Variants in SLC38A12 observed in about 807,000 individuals in gnomAD.
SLC38A12 encodes the protein putative sodium-coupled neutral amino acid transporter 12.
At chr17:74,777,526 C>T in the SLC38A12 span, 4 of 1,539,870 alleles carry the variant, frequency 2.6e-6, no homozygotes, top group East Asian at 2.4e-5. Flanking sequence ...GCAGCGACTA[C>T]AGTGCTGCTG....
chr17:74,794,890 A>G, the SLC38A12 span: 26 of 795,118 alleles, frequency 3.3e-5, no homozygotes, highest in South Asian at 4.5e-4. Context: ...GTAGAAAGTA[A>G]ACAGCTCAGA....
the SLC38A12 span, among the ~76,000 whole-genome samples, chr17:74,795,305 TC>T: frequency 6.6e-6 from 1 of 151,922 alleles, no homozygotes. Flanking sequence ...ACTGTCCCCT[TC>T]CCTGCCCCAC....
chr17:74,791,518 G>A, the SLC38A12 span, among the ~76,000 whole-genome samples: 1 of 152,260 alleles, frequency 6.6e-6, no homozygotes, highest in Admixed American at 6.5e-5. Context: ...GTTGATGGAG[G>A]CCGGTTGATG....
At chr17:74,837,222 G>C in the SLC38A12 span, 1 of 985,642 alleles carries the variant, frequency 1.0e-6, no homozygotes, top group Non-Finnish European at 1.2e-6. Flanking sequence ...ACCAGGCCTG[G>C]GAGGCGGTAG....
chr17:74,794,149 C>T, the SLC38A12 span, among the ~76,000 whole-genome samples: 2 of 152,194 alleles, frequency 1.3e-5, no homozygotes, highest in African/African-American at 2.4e-5. Context: ...TTGCACCTGG[C>T]CTTTCTAGCT....
At chr17:74,802,571 G>T in the SLC38A12 span, among the ~76,000 whole-genome samples, 1 of 152,064 alleles carries the variant, frequency 6.6e-6, no homozygotes, top group Non-Finnish European at 1.5e-5. Flanking sequence ...GTGCAGGTTG[G>T]GTATCCCTTC....
chr17:74,788,721 G>A, the SLC38A12 span: 9 of 1,410,480 alleles, frequency 6.4e-6, no homozygotes, highest in African/African-American at 1.4e-5. Context: ...TCTTACAATG[G>A]TGTTTTCCTT....
chr17:74,836,882 C>G, the SLC38A12 span: 1 of 1,380,654 alleles, frequency 7.2e-7, no homozygotes, highest in Non-Finnish European at 9.3e-7. This position sits in a 1 kb window ranked among gnomAD's most constrained non-coding sequence, Gnocchi z 4.2. Context: ...CTCACTCCCC[C>G]GGGCAGCTCT....
At chr17:74,834,470 A>G in the SLC38A12 span, among the ~76,000 whole-genome samples, 1 of 152,154 alleles carries the variant, frequency 6.6e-6, no homozygotes, top group African/African-American at 2.4e-5. Context: ...AGTTCTGATT[A>G]AAAGTAATAG....
chr17:74,802,044 C>T, the SLC38A12 span, among the ~76,000 whole-genome samples: 2 of 152,120 alleles, frequency 1.3e-5, no homozygotes, highest in African/African-American at 4.8e-5. Context: ...CTCCTTTCTT[C>T]CCGGAGTTGC....
chr17:74,835,410 G>A, the SLC38A12 span, among the ~76,000 whole-genome samples: 5 of 152,028 alleles, frequency 3.3e-5, no homozygotes, highest in African/African-American at 1.2e-4. Context: ...AGATGCCCTC[G>A]GCCCAGGAGG....
At chr17:74,784,459 GTAGGTGAC>G in the SLC38A12 span, among the ~76,000 whole-genome samples, 2 of 152,326 alleles carry the variant, frequency 1.3e-5, no homozygotes, top group East Asian at 3.9e-4. Flanking sequence ...ATGTCTAGGT[GTAGGTGAC>G]TAGCAGGCAG....
At chr17:74,776,937 A>G in the SLC38A12 span, among the ~76,000 whole-genome samples, 5 of 152,044 alleles carry the variant, frequency 3.3e-5, no homozygotes, top group African/African-American at 1.2e-4. Flanking sequence ...GAGGATAACC[A>G]CCCCAGAGCG....
the SLC38A12 span, among the ~76,000 whole-genome samples, chr17:74,818,550 T>C: frequency 6.6e-6 from 1 of 152,014 alleles, no homozygotes; most frequent in African/African-American, 2.4e-5. Flanking sequence ...GCTCAGCTCC[T>C]CCTTCTGCGG....
the SLC38A12 span, among the ~76,000 whole-genome samples, chr17:74,833,902 A>C: frequency 6.6e-6 from 1 of 152,146 alleles, no homozygotes; most frequent in Non-Finnish European, 1.5e-5. Context: ...AGTCTGCTGC[A>C]GCCTCCTGAA....
At chr17:74,810,630 T>C in the SLC38A12 span, among the ~76,000 whole-genome samples, 1 of 152,250 alleles carries the variant, frequency 6.6e-6, no homozygotes, top group South Asian at 2.1e-4. Context: ...CAGCCTGTCC[T>C]GGCACAAATC....
the SLC38A12 span, chr17:74,777,474 T>C: frequency 6.3e-7 from 1 of 1,586,940 alleles, no homozygotes; most frequent in Admixed American, 1.7e-5. Context: ...TGCTGCTGCT[T>C]GAGCAGACCA....
chr17:74,835,901 G>C, the SLC38A12 span: 1 of 1,579,298 alleles, frequency 6.3e-7, no homozygotes, highest in Non-Finnish European at 8.6e-7. Context: ...GTCCCCACCA[G>C]GTGACTCCTC....
chr17:74,801,422 G>A, the SLC38A12 span, among the ~76,000 whole-genome samples: 3 of 152,166 alleles, frequency 2.0e-5, no homozygotes, highest in African/African-American at 4.8e-5. Context: ...GGGGTTGTGA[G>A]CCCCTGAGAT....
Sources: gnomAD v4.1 joint callset for allele counts (sites outside exome capture counted in the v4.1 genomes callset) on GRCh38, gnomAD v4.1.1 for gene constraint, Gnocchi (gnomAD v3.1) non-coding constraint, MANE v1.5 for transcripts, NCBI Gene and HGNC (gene_info 2026-07-23, HGNC 2026-07-21) for gene names.